The following GASK1B variants were observed in gnomAD, a reference collection of about 807,000 sequenced individuals.
GASK1B encodes Golgi-associated kinase 1B.
Under a neutral mutation model 42.8 loss-of-function variants are expected in GASK1B, and 34 were observed. The observed-to-expected ratio is 0.79, with a 90% CI of 0.60 to 1.06. The LOEUF (loss-of-function observed/expected upper bound fraction) is 1.06, where lower values mean the gene tolerates loss of function less well. GASK1B is among the 50% of genes least tolerant of loss of function. GASK1B has a pLI of 0.00. For synonymous variants in GASK1B, 262 were observed against 259.1 expected, an observed-to-expected ratio of 1.01 and a Z score of -0.11; for missense variants, 686 against 661.0, an observed-to-expected ratio of 1.04 and a Z score of -0.42.
Position 158,171,085 on chromosome 4 carries a change from G to T in GASK1B, c.291C>A (p.Gly97=). ...CATTGGGCTGCAGAGTGGACCCATT[G>T]CCCTGGGACTCTGGAGGGGCCAGGG... The part of the protein sequence containing the change: ...DGTLAPPESQ[G]NGSTLQPNVV... Residue 97 remains glycine, a synonymous_variant, in exon 2 of 5, where the codon GGC becomes GGA. Transcript: ENST00000585682. 1 of 1,610,172 alleles carries T rather than the reference G, an allele frequency of 6.2e-7. No homozygotes were observed. Among genetic ancestry groups the T allele is most frequent in the East Asian group, 2.2e-5 (1 of 44,668 alleles).
At chr4:158,166,782 ATTATAT>A in intron 2 of GASK1B, among the ~76,000 whole-genome samples, 1 of 152,114 alleles carries the variant, frequency 6.6e-6, no homozygotes, top group Admixed American at 6.5e-5. Flanking sequence ...CATCTGTTTC[ATTATAT>A]TTATATATTT....
At chr4:158,144,824 T>C (rs1022213649) in intron 3 of GASK1B, among the ~76,000 whole-genome samples, 1 of 152,244 alleles carries the variant, frequency 6.6e-6, no homozygotes, top group South Asian at 2.1e-4. Context: ...ACTATTTCAT[T>C]CGTTTGCTTG....
chr4:158,127,946 C>T (rs1730525016), intron 4 of GASK1B, among the ~76,000 whole-genome samples: 1 of 152,126 alleles, frequency 6.6e-6, no homozygotes, highest in South Asian at 2.1e-4. Context: ...GCTCATTTCA[C>T]CTGTGGAAAC....
rs1732502638 is a variant in GASK1B at position 158,171,075 on chromosome 4, TG to T, written c.300del (p.Thr101LeufsTer25). 6.2e-7 allele frequency: 1 copy of T among 1,610,680 alleles called. No homozygotes were observed. On this transcript the variant is annotated frameshift_variant, in exon 2 of 5. Transcript: ENST00000585682. LOFTEE classifies it high-confidence loss of function. ...LAPPESQGNG[S>X]TLQPNVVYIT... ...ATGTACACCACATTGGGCTGCAGAG[TG>T]GACCCATTGCCCTGGGACTCTGGAG...
At chr4:158,161,363 T>G (rs1250605030) in intron 2 of GASK1B, among the ~76,000 whole-genome samples, 1 of 152,182 alleles carries the variant, frequency 6.6e-6, no homozygotes, top group Non-Finnish European at 1.5e-5. Context: ...ATATATTTAT[T>G]TATCTAACTG....
In GASK1B at chr4:158,171,530, G is replaced by A. The variant is rs1732539599; in HGVS notation, c.-155C>T. The A allele has an allele frequency of 1.4e-6, 1 of 705,914 alleles. No homozygotes were observed. Among genetic ancestry groups the A allele is most frequent in the East Asian group, 2.9e-5 (1 of 34,898 alleles). The allele number at this position is 705,914 out of a possible 1,614,324, so 43.7% of individuals were successfully genotyped here. A position where few individuals can be genotyped will look rare whatever the true frequency, so the allele number is the denominator to read the frequency against. ...GTGGAAGGAAAGGGTTGGTGATGAA[G>A]CTGGGAATGTTTCTGACACAACAAA... is the stretch of plus-strand genomic sequence containing the variant. On this transcript the variant is annotated 5_prime_UTR_variant, in exon 2 of 5. Coordinates refer to ENST00000585682, the MANE Select transcript of GASK1B (RefSeq NM_001128424.2).
At chr4:158,166,793 A>G (rs1732246750) in intron 2 of GASK1B, among the ~76,000 whole-genome samples, 1 of 152,102 alleles carries the variant, frequency 6.6e-6, no homozygotes, top group South Asian at 2.1e-4. Flanking sequence ...TTATATTTAT[A>G]TATTTAGTTA....
intron 2 of GASK1B, chr4:158,159,374 CAG>C (rs1731880931): frequency 3.4e-6 from 1 of 294,414 alleles, no homozygotes; most frequent in Non-Finnish European, 6.8e-6. Flanking sequence ...CTCCAGATCT[CAG>C]AGCAATGAGT....
chr4:158,169,974 G>A (rs1249897362), intron 2 of GASK1B: 6 of 456,548 alleles, frequency 1.3e-5, no homozygotes, highest in Non-Finnish European at 2.3e-5. Flanking sequence ...AAAAAAGGGG[G>A]GGTTAAACCT....
intron 3 of GASK1B, among the ~76,000 whole-genome samples, chr4:158,144,958 C>T (rs535995786): frequency 6.6e-6 from 1 of 152,324 alleles, no homozygotes; most frequent in African/African-American, 2.4e-5. Context: ...CACCATGTCT[C>T]TTGCTGTCAT....
intron 2 of GASK1B, among the ~76,000 whole-genome samples, chr4:158,157,988 T>C (rs1731820959): frequency 6.6e-6 from 1 of 152,160 alleles, no homozygotes; most frequent in Admixed American, 6.6e-5. Context: ...GTTATTTTTC[T>C]ATCCCTTTCT....
Position 158,170,540 on chromosome 4 carries a change from G to A in GASK1B, c.836C>T (p.Ala279Val), listed in dbSNP as rs756423716. The A allele has an allele frequency of 3.5e-5, 56 of 1,614,106 alleles. 1 individual carries two copies. The South Asian group carries it at 5.9e-4, about 17-fold the overall frequency. The stretch of plus-strand genomic sequence containing the variant: ...CCCCAGGATCCTGTCTAGGTGGAAG[G>A]CAAACACCTCACTCATGTCCAAGGG... Reference protein sequence around the residue: ...KQPLDMSEVFAFHLDRILGLN... With the variant: ...KQPLDMSEVFVFHLDRILGLN... The change falls in exon 2 of 5, where the codon GCC (alanine) becomes GTC (valine). Residue 279 changes from alanine (A) to valine (V), a missense_variant. Coordinates refer to ENST00000585682, the MANE Select transcript of GASK1B (RefSeq NM_001128424.2).
At position 158,155,654 on chromosome 4, in the gene GASK1B, T is replaced by G; in HGVS notation, c.1082A>C (p.His361Pro). The change falls in exon 3 of 5, where the codon CAT (histidine) becomes CCT (proline). Residue 361 changes from histidine to proline, a missense_variant. Coordinates refer to ENST00000585682, the MANE Select transcript of GASK1B (RefSeq NM_001128424.2). ...KPESGCTEIHHHEWSKMALFD... is the reference protein window; with the variant it reads ...KPESGCTEIHPHEWSKMALFD... Reference sequence around the variant, plus strand: ...GAGTGCCATCTTGGACCACTCATGATGATGTATTTCAGTACAACCCGATTC... The same window carrying G: ...GAGTGCCATCTTGGACCACTCATGAGGATGTATTTCAGTACAACCCGATTC... 1 of 1,613,878 alleles carries G rather than the reference T, an allele frequency of 6.2e-7. No homozygotes were observed. The highest frequency in any genetic ancestry group is 8.5e-7 in the Non-Finnish European group (1 of 1,179,780).
chr4:158,166,886 C>T (rs762558572), intron 2 of GASK1B, among the ~76,000 whole-genome samples: 26 of 151,888 alleles, frequency 1.7e-4, no homozygotes, highest in African/African-American at 4.8e-4. Flanking sequence ...TGTTGAGGGA[C>T]GCAGATTTAT....
rs777741110 is a variant in GASK1B, at chr4:158,170,756, A to C, written c.620T>G (p.Ile207Ser). 1.9e-6 allele frequency: 3 copies of C among 1,614,196 alleles called. No homozygotes were observed. The highest frequency in any genetic ancestry group is 2.5e-6 in the Non-Finnish European group (3 of 1,180,030). Residue 207 changes from isoleucine to serine, a missense_variant, in exon 2 of 5, where the codon ATC (isoleucine) becomes AGC (serine). Coordinates refer to ENST00000585682, the MANE Select transcript of GASK1B (RefSeq NM_001128424.2). ...QPSSRESNIR[I>S]YSESAPSWLS... ...CCAGGAGGGGGCGCTCTCGCTGTAG[A>C]TCCTAATGTTGCTCTCCCTGGAGCT...
chr4:158,150,923 T>C, intron 3 of GASK1B, among the ~76,000 whole-genome samples: 1 of 152,200 alleles, frequency 6.6e-6, no homozygotes, highest in East Asian at 1.9e-4. Flanking sequence ...AGTTCCTATT[T>C]CGTAGACTGT....
intron 3 of GASK1B, among the ~76,000 whole-genome samples, chr4:158,153,696 A>C (rs1038178598): frequency 6.6e-6 from 1 of 152,212 alleles, no homozygotes; most frequent in Non-Finnish European, 1.5e-5. Context: ...CCCAGAAATA[A>C]AGTCAAATAC....
At chr4:158,144,323 C>T (rs536653558) in intron 3 of GASK1B, among the ~76,000 whole-genome samples, 2 of 152,260 alleles carry the variant, frequency 1.3e-5, no homozygotes, top group South Asian at 4.1e-4. Flanking sequence ...TCTTAAGTAA[C>T]ATCATCAATA....
chr4:158,156,685 C>T (rs565461114), intron 2 of GASK1B, among the ~76,000 whole-genome samples: 6 of 152,240 alleles, frequency 3.9e-5, no homozygotes, highest in African/African-American at 1.4e-4. Flanking sequence ...ACATCATTCC[C>T]AAGCCCCCAT....
Sources: allele counts gnomAD v4.1 joint callset (sites outside exome capture counted in the v4.1 genomes callset), GRCh38; gene constraint gnomAD v4.1.1; transcripts MANE v1.5; gene names NCBI Gene and HGNC (gene_info 2026-07-23, HGNC 2026-07-21).